RGS12: variants seen among roughly 807,000 people sequenced by gnomAD.
The protein encoded by RGS12 is regulator of G protein signaling 12.
In RGS12, 66 loss-of-function variants were observed where a neutral mutation model predicts 120.1. The observed-to-expected ratio is 0.55, with a 90% CI of 0.45 to 0.67. The LOEUF (loss-of-function observed/expected upper bound fraction) is 0.67. Ranked by LOEUF, RGS12 falls within the 30% of genes least tolerant of loss-of-function variation. The pLI is 0.00. For synonymous variants in RGS12, 827 were observed against 804.7 expected (o/e 1.03, Z -0.47); for missense variants, 1,859 against 1,957.7 (o/e 0.95, Z 0.95).
chr4:3,369,955 T>C, intron 3 of RGS12: 2 of 1,090,972 alleles, frequency 1.8e-6, no homozygotes, highest in Non-Finnish European at 2.3e-6. Flanking sequence ...TCTCTGCAGC[T>C]GTTTTACTGA....
intron 2 of RGS12, among the ~76,000 whole-genome samples, chr4:3,331,558 C>G (rs999641186): frequency 4.6e-5 from 7 of 151,628 alleles, no homozygotes; most frequent in Non-Finnish European, 5.9e-5. Context: ...AGGTTCAGCA[C>G]ATAGATTTTA....
chr4:3,324,011 C>G (rs1725390371), intron 2 of RGS12: 1 of 152,300 alleles, frequency 6.6e-6, no homozygotes, highest in Non-Finnish European at 1.5e-5. Flanking sequence ...GTGGCCTTTG[C>G]CTTTTCCAGC....
At chr4:3,310,633 G>T (rs1724331622) in intron 1 of RGS12, among the ~76,000 whole-genome samples, 1 of 152,124 alleles carries the variant, frequency 6.6e-6, no homozygotes. Context: ...GCCAGTGCGG[G>T]TCTGCATGGG....
At chr4:3,429,559 A>G (rs190316636) in intron 16 of RGS12, among the ~76,000 whole-genome samples, 1 of 152,334 alleles carries the variant, frequency 6.6e-6, no homozygotes, top group African/African-American at 2.4e-5. Flanking sequence ...TGTAGTTGTT[A>G]AAAACTCCGA....
In RGS12 at chr4:3,417,714, A is replaced by G. The variant is rs1209976829; in HGVS notation, c.2761+173A>G. 9.0e-6 allele frequency: 6 copies of G among 665,808 alleles called. No homozygotes were observed. In the East Asian group the frequency reaches 1.7e-4, roughly 19 times the overall value. 41.2% of individuals were successfully genotyped at this position (665,808 alleles called of 1,614,324 possible). On this transcript the variant is annotated intron_variant, in intron 9 of 17. Coordinates refer to ENST00000336727, the MANE Select transcript of RGS12 (RefSeq NM_001394154.1). ...AAGGAATGCCGCTGTGTCTGGGGAC[A>G]CGACCTGTCAGCCAGCCAGAGGGCA...
intron 2 of RGS12, among the ~76,000 whole-genome samples, chr4:3,331,090 C>T (rs935672225): frequency 3.3e-5 from 5 of 152,236 alleles, no homozygotes; most frequent in South Asian, 2.1e-4. Flanking sequence ...TCACGCAAAG[C>T]GGATCAATAC....
rs778973905 is a variant in RGS12, at chr4:3,317,397, C to T, written c.1227C>T (p.Asp409=). 4.0e-5 allele frequency: 64 copies of T among 1,613,902 alleles called. No individual in the cohort carries two copies. The highest frequency in any genetic ancestry group is 1.1e-4 in the African/African-American group (8 of 74,926). The change falls in exon 2 of 18, where the codon GAC becomes GAT. Residue 409 remains aspartate (D), a synonymous_variant. Coordinates refer to ENST00000336727, the MANE Select transcript of RGS12 (RefSeq NM_001394154.1). ...GGGCCCGCGCCTTTCTGGACGGGGA[C>T]GCCGATGCCCACCAGAACAACAGCA... ...GMRARAFLDG[D]ADAHQNNSTS...
chr4:3,353,713 A>G (rs983624764), intron 3 of RGS12, among the ~76,000 whole-genome samples: 16 of 152,226 alleles, frequency 1.1e-4, no homozygotes, highest in African/African-American at 3.9e-4. Flanking sequence ...TTTCATGTAT[A>G]TATTTGGGAA....
chr4:3,409,152 C>T (rs762865284), intron 4 of RGS12, among the ~76,000 whole-genome samples: 1 of 152,168 alleles, frequency 6.6e-6, no homozygotes, highest in Non-Finnish European at 1.5e-5. Context: ...CTGCCGTGCT[C>T]CTCTGTACCC....
chr4:3,417,576 G>T, intron 9 of RGS12, 35 bp downstream of exon 9: 1 of 1,602,768 alleles, frequency 6.2e-7, no homozygotes, highest in Non-Finnish European at 8.5e-7. Flanking sequence ...TGGTGTCCAG[G>T]CCAGGCAGCC....
intron 13 of RGS12, among the ~76,000 whole-genome samples, chr4:3,424,447 T>A (rs1280411378): frequency 6.6e-6 from 1 of 152,116 alleles, no homozygotes; most frequent in Non-Finnish European, 1.5e-5. Context: ...CATCCTGGAG[T>A]CCAGAAATCT....
At chr4:3,290,528 C>T (rs757493917), upstream of RGS12, among the ~76,000 whole-genome samples, 6 of 152,242 alleles carry the variant, frequency 3.9e-5, no homozygotes, top group Admixed American at 2.0e-4. Flanking sequence ...TCATCCGTGT[C>T]GTAGCCTGTG....
chr4:3,427,991 T>C (rs1723839721), intron 14 of RGS12, 99 bp from the exon 15 acceptor site: 1 of 1,164,776 alleles, frequency 8.6e-7, no homozygotes, highest in Non-Finnish European at 1.3e-6. Context: ...TTGTGGCTTC[T>C]CTACAGCTTT....
At chr4:3,437,763 C>T (rs575402916) in intron 17 of RGS12, among the ~76,000 whole-genome samples, 1 of 152,320 alleles carries the variant, frequency 6.6e-6, no homozygotes, top group African/African-American at 2.4e-5. Flanking sequence ...CACACAGCTC[C>T]CACATGCTGG....
chr4:3,308,001 A>G (rs1724065404), intron 1 of RGS12, among the ~76,000 whole-genome samples: 1 of 152,230 alleles, frequency 6.6e-6, no homozygotes, highest in South Asian at 2.1e-4. Flanking sequence ...GGAAGCGTGC[A>G]GGGGCTTAGG....
In RGS12 at chr4:3,434,051, G is replaced by A. The variant is rs370177561; in HGVS notation, c.4114+3096G>A. Among the ~76,000 whole-genome samples the A allele has an allele frequency of 3.4e-3, 513 of 152,310 alleles. 5 individuals carry two copies. Among genetic ancestry groups the A allele is most frequent in the Middle Eastern group, 0.024 (7 of 294 alleles). The stretch of plus-strand genomic sequence containing the variant: ...CACACAGTGCTGTGTGTATGAGGCC[G>A]TTCTCATGTTGCTATGAAGAAATAC... On this transcript the variant is annotated intron_variant, in intron 17 of 17. Transcript: ENST00000336727.
At chr4:3,289,660 C>T (rs754073798), upstream of RGS12, among the ~76,000 whole-genome samples, 5 of 152,088 alleles carry the variant, frequency 3.3e-5, no homozygotes, top group Non-Finnish European at 5.9e-5. Context: ...CATTCACATC[C>T]CATTTTTTGT....
rs199995862 is a variant in RGS12, at chr4:3,423,608, C to G, written c.3201C>G (p.Tyr1067Ter). The G allele has an allele frequency of 6.2e-7, 1 of 1,611,238 alleles. No homozygotes were observed. The highest frequency in any genetic ancestry group is 8.5e-7 in the Non-Finnish European group (1 of 1,179,842). The change falls in exon 13 of 18, where the codon TAC (tyrosine) becomes TAG (stop). Residue 1067 changes from tyrosine to a stop codon, truncating the protein, a stop_gained. Transcript: ENST00000336727. LOFTEE classifies it high-confidence loss of function. ...TEVLRPVVARYGLDLSGLLVR... is the reference protein window; with the variant it reads ...TEVLRPVVAR ...TGCTGCGGCCCGTGGTGGCCAGATA[C>G]GGCCTGGACCTCAGTGGCCTGCTGG...
intron 17 of RGS12, among the ~76,000 whole-genome samples, chr4:3,439,132 T>C (rs1182546508): frequency 6.6e-6 from 1 of 151,588 alleles, no homozygotes; most frequent in African/African-American, 2.4e-5. Context: ...AGGGGGGCAG[T>C]TGGGGCGGGG....
Sources: allele counts gnomAD v4.1 joint callset (sites outside exome capture counted in the v4.1 genomes callset), GRCh38; gene constraint gnomAD v4.1.1; transcripts MANE v1.5; gene names NCBI Gene and HGNC (gene_info 2026-07-23, HGNC 2026-07-21).